Variants in FBXW9 observed in about 807,000 individuals in gnomAD.
The protein encoded by FBXW9 is F-box/WD repeat-containing protein 9.
In FBXW9, 38 loss-of-function variants were observed where a neutral mutation model predicts 55.8. That is an observed-to-expected ratio of 0.68 (90% CI 0.53 to 0.89). The LOEUF is 0.89. FBXW9 is among the 40% of genes least tolerant of loss of function. The pLI is 0.00. For synonymous variants in FBXW9, 289 were observed against 278.2 expected (o/e 1.04, Z -0.38); for missense variants, 590 against 619.4 (o/e 0.95, Z 0.50).
At position 12,689,643 on chromosome 19, in the gene FBXW9, G is replaced by A; in HGVS notation, c.1147-13C>T. 1 of 1,613,674 alleles carries A rather than the reference G, an allele frequency of 6.2e-7. No homozygotes were observed. Among genetic ancestry groups the A allele is most frequent in the Non-Finnish European group, 8.5e-7 (1 of 1,179,636 alleles). On this transcript the variant is annotated splice_polypyrimidine_tract_variant and intron_variant, in intron 7 of 9. Coordinates refer to ENST00000393261, the MANE Select transcript of FBXW9 (RefSeq NM_032301.3). The surrounding 1 kb of genome is among the most constrained non-coding windows in gnomAD (Gnocchi z 5.9). ...CCACATCAAAGGACTGCAGGAGGAG[G>A]ATCAGGCAACACTCAGTCGAGGCTC... is the stretch of plus-strand genomic sequence containing the variant.
Position 12,694,629 on chromosome 19 carries a change from T to C in FBXW9, c.643A>G (p.Lys215Glu), listed in dbSNP as rs758926949. 1 of 1,614,232 alleles carries C rather than the reference T, an allele frequency of 6.2e-7. No individual in the cohort carries two copies. Among genetic ancestry groups the C allele is most frequent in the Admixed American group, 1.7e-5 (1 of 60,016 alleles). The change falls in exon 3 of 10, where the codon AAG (lysine) becomes GAG (glutamate). Residue 215 changes from lysine (K) to glutamate (E), a missense_variant. Lys to Glu is a moderately conservative substitution (Grantham distance 56, BLOSUM62 1). Coordinates refer to ENST00000393261, the MANE Select transcript of FBXW9 (RefSeq NM_032301.3). ...LGTESNQVLI[K>E]TLGTKRNSTH... Reference sequence around the variant, plus strand: ...CTATTTCGCTTAGTGCCTAAGGTCTTGATCAGAACCTGGTTGGACTCCGTC... The same window carrying C: ...CTATTTCGCTTAGTGCCTAAGGTCTCGATCAGAACCTGGTTGGACTCCGTC...
intron 3 of FBXW9, 145 bp from the exon 4 acceptor site, chr19:12,691,599 G>T: frequency 1.5e-6 from 1 of 662,440 alleles, no homozygotes. Flanking sequence ...TGCCCATGGT[G>T]ATAGATGCTG....
In FBXW9 at chr19:12,689,775, A is replaced by G; in HGVS notation, c.1132T>C (p.Phe378Leu). ...CTCCAGCAGACCCGGATAAGCTGGAAGCAGCCGTTGCGGTTGGCGAAGACG... is the reference window on the plus strand; with the variant it reads ...CTCCAGCAGACCCGGATAAGCTGGAGGCAGCCGTTGCGGTTGGCGAAGACG... ...LHVFANRNGC[F>L]QLIRSFDVGH... Residue 378 changes from phenylalanine (F) to leucine (L), a missense_variant, in exon 7 of 10, where the codon TTC becomes CTC. Coordinates refer to ENST00000393261, the MANE Select transcript of FBXW9 (RefSeq NM_032301.3). This position sits in a 1 kb window ranked among gnomAD's most constrained non-coding sequence, Gnocchi z 5.9. 1 of 1,614,100 alleles carries G rather than the reference A, an allele frequency of 6.2e-7. No homozygotes were observed. The highest frequency in any genetic ancestry group is 1.3e-5 in the African/African-American group (1 of 75,034).
At position 12,696,564 on chromosome 19, in the gene FBXW9, C is replaced by A; in HGVS notation, c.18G>T (p.Gly6=). The A allele has an allele frequency of 6.2e-7, 1 of 1,610,938 alleles. No individual in the cohort carries two copies. The highest frequency in any genetic ancestry group is 8.5e-7 in the Non-Finnish European group (1 of 1,179,888). ...CCCAGGTGCGGGAATCATCGCACCG[C>A]CCTAGGGGAAGCTCCATTGCGACCG... The part of the protein sequence containing the change: MELPL[G]RCDDSRTWDD... The change falls in exon 1 of 10, where the codon GGG becomes GGT. Residue 6 remains glycine, a synonymous_variant. Coordinates refer to ENST00000393261, the MANE Select transcript of FBXW9 (RefSeq NM_032301.3).
At chr19:12,692,505 C>T (rs7246726) in intron 3 of FBXW9, among the ~76,000 whole-genome samples, 20,530 of 150,518 alleles carry the variant, frequency 0.14, 4,238 homozygotes, top group African/African-American at 0.45. Context: ...GGATTACAGG[C>T]GTGAGCCACT....
intron 5 of FBXW9, chr19:12,690,326 A>C: frequency 1.4e-6 from 1 of 710,106 alleles, no homozygotes; most frequent in South Asian, 1.7e-5. Flanking sequence ...TCCACATCCC[A>C]TATCCCTCCT....
Position 12,691,469 on chromosome 19 carries a change from C to A in FBXW9, c.679-15G>T. On this transcript the variant is annotated splice_polypyrimidine_tract_variant and intron_variant, in intron 3 of 9. Transcript: ENST00000393261. ...CACACCCAGCCCTGCAGGACAGGAG[C>A]AGCAGTCACACACCTGCCACAGCCC... 11 of 1,548,512 alleles carry A rather than the reference C, an allele frequency of 7.1e-6. No individual in the cohort carries two copies. Among genetic ancestry groups the A allele is most frequent in the Non-Finnish European group, 9.6e-6 (11 of 1,147,004 alleles).
rs554245797 is a variant in FBXW9 at position 12,694,806 on chromosome 19, A to G, written c.542T>C (p.Leu181Pro). Residue 181 changes from leucine (L) to proline (P), a missense_variant, in exon 2 of 10, where the codon CTG (leucine) becomes CCG (proline). Coordinates refer to ENST00000393261, the MANE Select transcript of FBXW9 (RefSeq NM_032301.3). ...GHVASVDSVL[L>P]LQGGSLCLSG... Reference sequence around the variant, plus strand: ...CCACAGACCCCGTCTCACCTGGAGCAGCAGCACTGAGTCAACGGAAGCCAC... The same window carrying G: ...CCACAGACCCCGTCTCACCTGGAGCGGCAGCACTGAGTCAACGGAAGCCAC... The G allele has an allele frequency of 2.5e-6, 4 of 1,614,080 alleles. No individual in the cohort carries two copies. Among genetic ancestry groups the G allele is most frequent in the East Asian group, 2.2e-5 (1 of 44,884 alleles).
At chr19:12,696,067 G>C in intron 1 of FBXW9, 106 bp downstream of exon 1, 1 of 1,156,430 alleles carries the variant, frequency 8.6e-7, no homozygotes, top group Non-Finnish European at 1.2e-6. Context: ...CACGAAGCCT[G>C]CACCAGAGGC....
At chr19:12,692,822 C>T (rs2145406426) in intron 3 of FBXW9, among the ~76,000 whole-genome samples, 1 of 152,306 alleles carries the variant, frequency 6.6e-6, no homozygotes, top group East Asian at 1.9e-4. Flanking sequence ...CTAACTGCAC[C>T]CTGGCCCAAT....
At chr19:12,695,200 C>T (rs1051769494) in intron 1 of FBXW9, among the ~76,000 whole-genome samples, 6 of 152,210 alleles carry the variant, frequency 3.9e-5, no homozygotes, top group African/African-American at 1.4e-4. Flanking sequence ...CCTCTCCAGG[C>T]GCCATCCCCC....
rs1037850635 is a variant in FBXW9, at chr19:12,696,523, G to T, written c.59C>A (p.Pro20Gln). The change falls in exon 1 of 10, where the codon CCA becomes CAA. Residue 20 changes from proline (P) to glutamine (Q), a missense_variant. By Grantham distance (76) the Pro-to-Gln change is moderately conservative. Transcript: ENST00000393261. ...CGCGTCTGGGTCTGTCTCTGACTCTGGGTCCGAGTCATCGTCCCAGGTGCG... is the reference window on the plus strand; with the variant it reads ...CGCGTCTGGGTCTGTCTCTGACTCTTGGTCCGAGTCATCGTCCCAGGTGCG... ...DSRTWDDDSD[P>Q]ESETDPDAQA... The T allele has an allele frequency of 1.1e-5, 18 of 1,612,570 alleles. No homozygotes were observed. The highest frequency in any genetic ancestry group is 1.5e-5 in the Non-Finnish European group (18 of 1,179,992).
At chr19:12,693,561 T>TATAC (rs2025038394) in intron 3 of FBXW9, among the ~76,000 whole-genome samples, 1 of 10,268 alleles carries the variant, frequency 9.7e-5, no homozygotes, top group African/African-American at 4.6e-4. Context: ...TATATATATA[T>TATAC]ACACACACAC....
At chr19:12,695,851 C>G (rs559205271) in intron 1 of FBXW9, among the ~76,000 whole-genome samples, 2 of 152,280 alleles carry the variant, frequency 1.3e-5, no homozygotes, top group East Asian at 3.9e-4. Flanking sequence ...GTGTCAATCC[C>G]CAATCAGGGG....
intron 5 of FBXW9, 65 bp from the exon 6 acceptor site, chr19:12,690,175 G>A (rs748515158): frequency 6.2e-7 from 1 of 1,605,898 alleles, no homozygotes; most frequent in South Asian, 1.1e-5. Flanking sequence ...CCCAGCCCAT[G>A]AGAGCATCCC....
In FBXW9 at chr19:12,689,996, T is replaced by TCCA. The variant is rs1379659353; in HGVS notation, c.995_997dup (p.Val332dup). 3.1e-6 allele frequency: 5 copies of TCCA among 1,613,392 alleles called. No individual in the cohort carries two copies. The highest frequency in any genetic ancestry group is 4.5e-5 in the East Asian group (2 of 44,834). On this transcript the variant is annotated inframe_insertion, in exon 6 of 10. Transcript: ENST00000393261. This position sits in a 1 kb window ranked among gnomAD's most constrained non-coding sequence, Gnocchi z 5.9. ...CTGCAGGACGCTGTTGGCTCGGCGG[T>TCCA]CCACCACCACCAGGGTGTGGTCCTC... is the stretch of plus-strand genomic sequence containing the variant.
chr19:12,691,160 G>A lies in FBXW9; in HGVS notation c.883+6C>T, dbSNP rs1233012850. On this transcript the variant is annotated splice_donor_region_variant and intron_variant, in intron 5 of 9. Coordinates refer to ENST00000393261, the MANE Select transcript of FBXW9 (RefSeq NM_032301.3). ...CCCAACCTGGGCCCCAGGACCCTTG[G>A]CCCACCTCTGGGGTCGTAGATGGTC... 2 of 1,613,220 alleles carry A rather than the reference G, an allele frequency of 1.2e-6. No individual in the cohort carries two copies. Among genetic ancestry groups the A allele is most frequent in the African/African-American group, 1.3e-5 (1 of 74,886 alleles).
chr19:12,689,467 GGT>G lies in FBXW9; in HGVS notation c.1237-32_1237-31del. ...TGAGGGGCAATGGGCGAGGTCAAGA[GGT>G]GTGCCCCTGGCTGATGGAGGTAGGG... On this transcript the variant is annotated intron_variant, in intron 8 of 9. Transcript: ENST00000393261. This position sits in a 1 kb window ranked among gnomAD's most constrained non-coding sequence, Gnocchi z 5.9. 9 of 1,614,160 alleles carry G rather than the reference GGT, an allele frequency of 5.6e-6. No individual in the cohort carries two copies. The highest frequency in any genetic ancestry group is 5.9e-6 in the Non-Finnish European group (7 of 1,179,986).
Position 12,689,682 on chromosome 19 carries a change from C to T in FBXW9, c.1147-52G>A. ...CAGTCGAGGCTCTCCCAAGGCCCGC[C>T]CTCCCCCACACCACCAGGGGCTCGG... On this transcript the variant is annotated intron_variant, in intron 7 of 9. Coordinates refer to ENST00000393261, the MANE Select transcript of FBXW9 (RefSeq NM_032301.3). The surrounding 1 kb of genome is among the most constrained non-coding windows in gnomAD (Gnocchi z 5.9). 6.2e-7 allele frequency: 1 copy of T among 1,608,810 alleles called. No individual in the cohort carries two copies. The highest frequency in any genetic ancestry group is 8.5e-7 in the Non-Finnish European group (1 of 1,175,658).
Sources: allele counts gnomAD v4.1 joint callset (sites outside exome capture counted in the v4.1 genomes callset), GRCh38; gene constraint gnomAD v4.1.1; non-coding constraint Gnocchi (gnomAD v3.1); transcripts MANE v1.5; gene names NCBI Gene and HGNC (gene_info 2026-07-23, HGNC 2026-07-21).